The following ANKRD44 variants were observed in gnomAD, a reference collection of about 807,000 sequenced individuals.
ANKRD44 encodes serine/threonine-protein phosphatase 6 regulatory ankyrin repeat subunit B.
In ANKRD44, 35 loss-of-function variants were observed where a neutral mutation model predicts 116.0. The ratio of observed to expected loss-of-function variants is 0.30; its 90% confidence interval spans 0.23 to 0.40. ANKRD44 has a LOEUF of 0.40. Ranked by LOEUF, ANKRD44 falls within the 10% of genes least tolerant of loss-of-function variation. The probability of loss-of-function intolerance (pLI) is 1.00; values close to 1 mark genes in which losing one functional copy is unlikely to be tolerated. For missense variants in ANKRD44, 1,014 were observed against 1,242.6 expected (o/e 0.82, Z 2.77); for synonymous variants, 435 against 461.8 (o/e 0.94, Z 0.74).
intron 13 of ANKRD44, among the ~76,000 whole-genome samples, chr2:197,083,784 A>T (rs1559048814): frequency 6.6e-6 from 1 of 152,234 alleles, no homozygotes; most frequent in African/African-American, 2.4e-5. Context: ...ACATTTTGTC[A>T]GTGTCCCAAA....
At chr2:197,054,293 TGAGA>T (rs1191797542) in intron 16 of ANKRD44, among the ~76,000 whole-genome samples, 20 of 152,244 alleles carry the variant, frequency 1.3e-4, no homozygotes, top group Non-Finnish European at 2.8e-4. Context: ...AACAAAGAAC[TGAGA>T]GAAACGGTTT....
rs981065799 is a variant in ANKRD44 at position 197,086,540 on chromosome 2, G to T, written c.1316+140C>A. Reference sequence around the variant, plus strand: ...TTTGCTTTGTTGGCAACCTCTATGAGAAGGGACTTCCTTCCGAGGAGGATG... The same window carrying T: ...TTTGCTTTGTTGGCAACCTCTATGATAAGGGACTTCCTTCCGAGGAGGATG... On this transcript the variant is annotated intron_variant, in intron 13 of 27. Transcript: ENST00000282272. 1.4e-5 allele frequency: 10 copies of T among 708,292 alleles called. No homozygotes were observed. The Admixed American group carries it at 2.5e-4, about 18-fold the overall frequency. The allele number at this position is 708,292 out of a possible 1,614,324, so 43.9% of individuals were successfully genotyped here.
chr2:197,005,713 C>T lies in ANKRD44; in HGVS notation c.2328G>A (p.Leu776=), dbSNP rs1419344824. 6.2e-7 allele frequency: 1 copy of T among 1,614,220 alleles called. No homozygotes were observed. Among genetic ancestry groups the T allele is most frequent in the Admixed American group, 1.7e-5 (1 of 60,032 alleles). The change falls in exon 21 of 28, where the codon CTG becomes CTA. Residue 776 remains leucine, a synonymous_variant. Coordinates refer to ENST00000282272, the MANE Select transcript of ANKRD44 (RefSeq NM_001195144.2). ...ACTCACCATTGTAACAAGCCCAGTG[C>T]AGCGGCGTGTAGCCTTGGTTATCTT... ...CFKDNQGYTP[L]HWACYNGNEN... is the part of the protein sequence containing the mutation.
chr2:197,278,684 A>T (rs1175881493), intron 1 of ANKRD44, among the ~76,000 whole-genome samples: 1 of 152,142 alleles, frequency 6.6e-6, no homozygotes, highest in Non-Finnish European at 1.5e-5. Context: ...GGCTCTTTAC[A>T]CCCATGTTAC....
chr2:197,147,077 A>G lies in ANKRD44; in HGVS notation c.140T>C (p.Val47Ala). 6.2e-7 allele frequency: 1 copy of G among 1,613,900 alleles called. No individual in the cohort carries two copies. Residue 47 changes from valine (V) to alanine (A), a missense_variant, in exon 3 of 28, where the codon GTG becomes GCG. Val to Ala is a moderately conservative substitution (Grantham distance 64, BLOSUM62 0). Coordinates refer to ENST00000282272, the MANE Select transcript of ANKRD44 (RefSeq NM_001195144.2). The stretch of plus-strand genomic sequence containing the variant: ...CTCTGCATCTCCCAGAAATGCGGCC[A>G]CATGAAGAGGGGTTCGTTTCTCAGA... The part of the protein sequence containing the change: ...LDSEKRTPLH[V>A]AAFLGDAEII...
downstream of ANKRD44, among the ~76,000 whole-genome samples, chr2:196,982,178 A>G (rs2075806684): frequency 6.8e-6 from 1 of 147,720 alleles, no homozygotes. Flanking sequence ...AGTAATATAC[A>G]GAAAGTAGGC....
At chr2:197,210,042 T>TA (rs1442201960) in intron 1 of ANKRD44, among the ~76,000 whole-genome samples, 4 of 152,202 alleles carry the variant, frequency 2.6e-5, no homozygotes, top group African/African-American at 9.7e-5. Context: ...TCCTTTGAGT[T>TA]AAAGTTTCCC....
At chr2:197,017,412 G>A (rs1330190316) in intron 17 of ANKRD44, among the ~76,000 whole-genome samples, 2 of 152,110 alleles carry the variant, frequency 1.3e-5, no homozygotes, top group African/African-American at 2.4e-5. Flanking sequence ...GTTTCTTCCT[G>A]AGTGTGTGTT....
In ANKRD44 at chr2:196,989,013, G is replaced by C. The variant is rs781752269; in HGVS notation, c.*578C>G. On this transcript the variant is annotated 3_prime_UTR_variant, in exon 28 of 28. Transcript: ENST00000282272. ...TACAGACTGTGGCTGAGCAGTAGAAGATGCGTAGCCCTCTCTAACCAACGC... is the reference window on the plus strand; with the variant it reads ...TACAGACTGTGGCTGAGCAGTAGAACATGCGTAGCCCTCTCTAACCAACGC... The C allele has an allele frequency of 2.2e-4, 216 of 985,332 alleles. No individual in the cohort carries two copies. Among genetic ancestry groups the C allele is most frequent in the Admixed American group, 3.1e-4 (5 of 16,268 alleles). 61.0% of individuals were successfully genotyped at this position (985,332 alleles called of 1,614,324 possible).
rs367794096 is a variant in ANKRD44, at chr2:197,258,338, G to C, written c.27+52240C>G. ...AGGTTTCACCATGCTGGCCAGGCTG[G>C]TCTCGAACTCCTGACCTCAAGTGAT... On this transcript the variant is annotated intron_variant, in intron 1 of 27. Transcript: ENST00000282272. Among the ~76,000 whole-genome samples the C allele has an allele frequency of 7.1e-5, 10 of 141,280 alleles. No homozygotes were observed. In the East Asian group the frequency reaches 1.8e-3, roughly 26 times the overall value. The allele number at this position is 141,280 out of a possible 152,430, so 92.7% of individuals were successfully genotyped here. A position where few individuals can be genotyped will look rare whatever the true frequency, so the allele number is the denominator to read the frequency against.
At chr2:197,195,951 T>C (rs1348749850) in intron 1 of ANKRD44, among the ~76,000 whole-genome samples, 1 of 152,186 alleles carries the variant, frequency 6.6e-6, no homozygotes, top group Non-Finnish European at 1.5e-5. Context: ...AATTAAATTG[T>C]GTTGGGGAGT....
intron 1 of ANKRD44, among the ~76,000 whole-genome samples, chr2:197,305,970 TA>T (rs1287700475): frequency 1.6e-4 from 22 of 133,396 alleles, no homozygotes; most frequent in African/African-American, 7.6e-4. Flanking sequence ...GTTCGTTTTA[TA>T]TATATATATA....
chr2:197,209,669 T>C (rs1010213036), intron 1 of ANKRD44, among the ~76,000 whole-genome samples: 1 of 152,208 alleles, frequency 6.6e-6, no homozygotes, highest in Non-Finnish European at 1.5e-5. Flanking sequence ...TTTAATTTCA[T>C]CAAGAATTAA....
Position 196,989,124 on chromosome 2 carries a change from G to GTT in ANKRD44, c.*465_*466dup. ...GCTTTTGGCTAGCCCAGGGTCAAGT[G>GTT]TTTTTTTTTTCACTTTTTTTTTGTT... is the stretch of plus-strand genomic sequence containing the variant. On this transcript the variant is annotated 3_prime_UTR_variant, in exon 28 of 28. Coordinates refer to ENST00000282272, the MANE Select transcript of ANKRD44 (RefSeq NM_001195144.2). The GTT allele has an allele frequency of 1.1e-6, 1 of 902,120 alleles. No homozygotes were observed. Among genetic ancestry groups the GTT allele is most frequent in the Non-Finnish European group, 1.3e-6 (1 of 757,468 alleles). 55.9% of individuals were successfully genotyped at this position (902,120 alleles called of 1,614,324 possible).
intron 1 of ANKRD44, among the ~76,000 whole-genome samples, chr2:197,286,762 C>A (rs932235560): frequency 6.6e-6 from 1 of 151,840 alleles, no homozygotes; most frequent in Non-Finnish European, 1.5e-5. Context: ...AAAATATGTA[C>A]CTTTGGTAAG....
At chr2:197,096,890 T>C (rs2078173834) in intron 10 of ANKRD44, among the ~76,000 whole-genome samples, 1 of 149,592 alleles carries the variant, frequency 6.7e-6, no homozygotes, top group African/African-American at 2.5e-5. Context: ...ACAAAGGCAC[T>C]TACACACACA....
downstream of ANKRD44, among the ~76,000 whole-genome samples, chr2:196,982,805 A>C (rs2075811179): frequency 6.6e-6 from 1 of 152,220 alleles, no homozygotes; most frequent in Non-Finnish European, 1.5e-5. Context: ...TCACTGGATA[A>C]AGAAAATGTG....
In ANKRD44 at chr2:197,005,776, C is replaced by T; in HGVS notation, c.2265G>A (p.Leu755=). ...ARGHATWLSE[L]LQMALSEEDC... is the part of the protein sequence containing the mutation. ...CCTCCTCAGAAAGAGCCATTTGGAG[C>T]AGCTCGCTCAGCCACGTGGCGTGGC... Residue 755 remains leucine (L), a synonymous_variant, in exon 21 of 28, where the codon CTG becomes CTA. Coordinates refer to ENST00000282272, the MANE Select transcript of ANKRD44 (RefSeq NM_001195144.2). 1 of 1,614,206 alleles carries T rather than the reference C, an allele frequency of 6.2e-7. No individual in the cohort carries two copies. Among genetic ancestry groups the T allele is most frequent in the Non-Finnish European group, 8.5e-7 (1 of 1,180,030 alleles).
chr2:197,196,974 T>C (rs1255142567), intron 1 of ANKRD44, among the ~76,000 whole-genome samples: 1 of 152,078 alleles, frequency 6.6e-6, no homozygotes, highest in Non-Finnish European at 1.5e-5. Context: ...ATTTTTTTTT[T>C]CCTAAGGCAT....
Sources: allele counts gnomAD v4.1 joint callset (sites outside exome capture counted in the v4.1 genomes callset), GRCh38; gene constraint gnomAD v4.1.1; transcripts MANE v1.5; gene names NCBI Gene and HGNC (gene_info 2026-07-23, HGNC 2026-07-21).